The following NKAIN2 variants were observed in gnomAD, a reference collection of about 807,000 sequenced individuals.
The protein encoded by NKAIN2 is sodium/potassium-transporting ATPase subunit beta-1-interacting protein 2.
Under a neutral mutation model 32.6 loss-of-function variants are expected in NKAIN2, and 14 were observed. The ratio of observed to expected loss-of-function variants is 0.43; its 90% CI spans 0.28 to 0.67. The LOEUF (loss-of-function observed/expected upper bound fraction) is 0.67, where lower values mean the gene tolerates loss of function less well. Among genes scored for constraint, NKAIN2 ranks in the 30% least tolerant of loss-of-function variants. The probability of loss-of-function intolerance (pLI) is 0.17; values close to 1 mark genes in which losing one functional copy is unlikely to be tolerated. For synonymous variants in NKAIN2, 80 were observed against 87.2 expected (o/e 0.92, Z 0.46); for missense variants, 198 against 258.3 (o/e 0.77, Z 1.60).
intron 3 of NKAIN2, among the ~76,000 whole-genome samples, chr6:124,625,907 CT>C (rs1005280210): frequency 1.3e-5 from 2 of 151,724 alleles, no homozygotes; most frequent in African/African-American, 4.8e-5. Context: ...TATTGTGTTC[CT>C]TTAAAAAAAT....
At chr6:124,336,522 G>A (rs1035677867) in intron 2 of NKAIN2, among the ~76,000 whole-genome samples, 1 of 152,112 alleles carries the variant, frequency 6.6e-6, no homozygotes, top group Non-Finnish European at 1.5e-5. Context: ...TAGATCTAGA[G>A]CTCTGATAGC....
chr6:123,959,774 T>C (rs898773441), intron 1 of NKAIN2, among the ~76,000 whole-genome samples: 10 of 151,814 alleles, frequency 6.6e-5, no homozygotes, highest in Non-Finnish European at 1.3e-4. Context: ...CTCATGATCT[T>C]TTCCTCTCTC....
At chr6:124,131,685 A>G (rs113012097) in intron 1 of NKAIN2, among the ~76,000 whole-genome samples, 6 of 152,130 alleles carry the variant, frequency 3.9e-5, no homozygotes, top group African/African-American at 1.4e-4. Context: ...TGTGAAATAT[A>G]AAAGTAGTAG....
intron 3 of NKAIN2, among the ~76,000 whole-genome samples, chr6:124,453,060 T>C (rs867316632): frequency 3.4e-4 from 52 of 152,126 alleles, no homozygotes; most frequent in African/African-American, 1.2e-3. Flanking sequence ...AGAGACAGCA[T>C]GGACAAAAAT....
chr6:124,707,911 T>C (rs974537559), intron 4 of NKAIN2, among the ~76,000 whole-genome samples: 3 of 152,112 alleles, frequency 2.0e-5, no homozygotes, highest in Non-Finnish European at 4.4e-5. Context: ...CATGAAGTCC[T>C]TGCCCATGCC....
At chr6:124,514,598 T>A (rs2114781043) in intron 3 of NKAIN2, among the ~76,000 whole-genome samples, 1 of 152,230 alleles carries the variant, frequency 6.6e-6, no homozygotes, top group African/African-American at 2.4e-5. Flanking sequence ...ACTTCAGTGT[T>A]GGGTAGATGG....
At chr6:124,588,691 C>T (rs1196937315) in intron 3 of NKAIN2, among the ~76,000 whole-genome samples, 1 of 152,128 alleles carries the variant, frequency 6.6e-6, no homozygotes, top group South Asian at 2.1e-4. Flanking sequence ...AGAGGTGCTA[C>T]CAATTGGGGA....
In NKAIN2 at chr6:124,307,033, G is replaced by C. The variant is rs1448156797; in HGVS notation, c.192+23891G>C. Among the ~76,000 whole-genome samples the C allele has an allele frequency of 3.3e-5, 5 of 152,102 alleles. No individual in the cohort carries two copies. The East Asian group carries it at 9.6e-4, about 29-fold the overall frequency. On this transcript the variant is annotated intron_variant, in intron 2 of 6. Coordinates refer to ENST00000368417, the MANE Select transcript of NKAIN2 (RefSeq NM_001040214.3). Reference sequence around the variant, plus strand: ...TTACCTAAATCATGCCTATTCTTATGTTAAATGAGTTCTGTTACCACAGTG... The same window carrying C: ...TTACCTAAATCATGCCTATTCTTATCTTAAATGAGTTCTGTTACCACAGTG...
intron 4 of NKAIN2, among the ~76,000 whole-genome samples, chr6:124,668,497 CCT>C (rs1390932799): frequency 1.3e-5 from 2 of 152,096 alleles, no homozygotes; most frequent in African/African-American, 4.8e-5. Context: ...TTCCCTACCC[CCT>C]GTTCCATAAC....
chr6:124,083,477 T>C (rs2114911888), intron 1 of NKAIN2, among the ~76,000 whole-genome samples: 1 of 151,954 alleles, frequency 6.6e-6, no homozygotes, highest in African/African-American at 2.4e-5. Context: ...CTGTTTTAGT[T>C]TTCTCTGTGT....
At chr6:124,119,382 A>G (rs1025697155) in intron 1 of NKAIN2, among the ~76,000 whole-genome samples, 1 of 152,246 alleles carries the variant, frequency 6.6e-6, no homozygotes, top group African/African-American at 2.4e-5. Context: ...ATCTGTGAAC[A>G]TGAGCAAGTT....
chr6:124,151,749 C>A (rs1018980059), intron 1 of NKAIN2, among the ~76,000 whole-genome samples: 1 of 151,900 alleles, frequency 6.6e-6, no homozygotes, highest in African/African-American at 2.4e-5. Flanking sequence ...CAATGACTTA[C>A]GATGTAAGTG....
In NKAIN2 at chr6:123,990,290, A is replaced by G. The variant is rs1779358705; in HGVS notation, c.54+186036A>G. Among the ~76,000 whole-genome samples the G allele has an allele frequency of 2.6e-5, 4 of 152,302 alleles. No homozygotes were observed. The South Asian group carries it at 8.3e-4, about 32-fold the overall frequency. ...TGGGTGGGGACCCAGCAAAACGTGT[A>G]GTTTGTGCTAGTATTTTAATTAGTC... On this transcript the variant is annotated intron_variant, in intron 1 of 6. Transcript: ENST00000368417.
chr6:124,724,812 T>C (rs1339960493), intron 4 of NKAIN2, among the ~76,000 whole-genome samples: 1 of 152,234 alleles, frequency 6.6e-6, no homozygotes, highest in Non-Finnish European at 1.5e-5. Flanking sequence ...TTTGGGTTAG[T>C]TCCATCCAGG....
At chr6:124,712,999 T>G (rs1562339845) in intron 4 of NKAIN2, among the ~76,000 whole-genome samples, 1 of 152,120 alleles carries the variant, frequency 6.6e-6, no homozygotes. Flanking sequence ...ATCTCTGCCT[T>G]GTATACAGAA....
intron 1 of NKAIN2, among the ~76,000 whole-genome samples, chr6:124,257,380 G>C (rs1351312397): frequency 6.6e-6 from 1 of 152,090 alleles, no homozygotes; most frequent in Non-Finnish European, 1.5e-5. Context: ...ACTTCCTACA[G>C]CTCTTAGGAG....
At chr6:124,770,710 T>C (rs1460067037) in intron 4 of NKAIN2, among the ~76,000 whole-genome samples, 1 of 152,172 alleles carries the variant, frequency 6.6e-6, no homozygotes, top group Non-Finnish European at 1.5e-5. Flanking sequence ...TCACTTCTTA[T>C]GATCTGACTG....
intron 3 of NKAIN2, among the ~76,000 whole-genome samples, chr6:124,557,615 T>C (rs986157677): frequency 1.3e-5 from 2 of 152,190 alleles, no homozygotes; most frequent in Non-Finnish European, 2.9e-5. Flanking sequence ...CCAGTGACTG[T>C]TCCCCACGTT....
Position 124,546,653 on chromosome 6 carries a change from A to G in NKAIN2, c.274-111533A>G, listed in dbSNP as rs909202736. On this transcript the variant is annotated intron_variant, in intron 3 of 6. Transcript: ENST00000368417. The stretch of plus-strand genomic sequence containing the variant: ...GAATTTGTTGGGACACTACAAAGGT[A>G]CATCAAAAGTAGATATGCTTCCCCC... Among the ~76,000 whole-genome samples the G allele has an allele frequency of 2.0e-4, 30 of 152,274 alleles. 1 individual carries two copies. The highest frequency in any genetic ancestry group is 7.0e-4 in the African/African-American group (29 of 41,574).
Sources: gnomAD v4.1 joint callset for allele counts (sites outside exome capture counted in the v4.1 genomes callset) on GRCh38, gnomAD v4.1.1 for gene constraint, MANE v1.5 for transcripts, NCBI Gene and HGNC (gene_info 2026-07-23, HGNC 2026-07-21) for gene names.